MED13L: variants seen among roughly 807,000 people sequenced by gnomAD.
MED13L encodes the protein mediator complex subunit 13L, also known as mediator of RNA polymerase II transcription subunit 13-like.
In MED13L, 7 loss-of-function variants were observed where a neutral mutation model predicts 220.9. The observed-to-expected ratio is 0.03, with a 90% CI of 0.02 to 0.06. The LOEUF (loss-of-function observed/expected upper bound fraction) is 0.06. MED13L is among the 10% of genes least tolerant of loss of function. MED13L has a pLI of 1.00. For synonymous variants in MED13L, 1,011 were observed against 1,015.2 expected (o/e 1.00, Z 0.08); for missense variants, 1,965 against 2,760.5 (o/e 0.71, Z 6.46).
chr12:116,093,154 C>G (rs937284203), intron 4 of MED13L, among the ~76,000 whole-genome samples: 1 of 151,980 alleles, frequency 6.6e-6, no homozygotes, highest in Non-Finnish European at 1.5e-5. Flanking sequence ...TGATTTTCAC[C>G]GGTTTGTTTT....
rs1194376575 is a variant in MED13L at position 116,021,232 on chromosome 12, T to C, written c.625+1224A>G. 2.0e-5 allele frequency among the ~76,000 whole-genome samples: 3 copies of C among 152,170 alleles called. No homozygotes were observed. In the East Asian group the frequency reaches 5.8e-4, roughly 29 times the overall value. On this transcript the variant is annotated intron_variant, in intron 5 of 30. Coordinates refer to ENST00000281928, the MANE Select transcript of MED13L (RefSeq NM_015335.5). ...AAAATCAGAAAAATTAAAAGTGGTC[T>C]ATAGGGACCTGGTATTCCTAATATT...
At chr12:116,191,091 CAA>C (rs558125739) in intron 2 of MED13L, among the ~76,000 whole-genome samples, 18 of 65,948 alleles carry the variant, frequency 2.7e-4, no homozygotes, top group South Asian at 5.1e-4. Flanking sequence ...GACTCTGTCT[CAA>C]AAAAAAAAAA....
At chr12:116,040,981 C>T (rs1881490942) in intron 4 of MED13L, among the ~76,000 whole-genome samples, 1 of 152,088 alleles carries the variant, frequency 6.6e-6, no homozygotes, top group Non-Finnish European at 1.5e-5. Flanking sequence ...GCCCATTTCC[C>T]CTAAAAACTA....
rs1310550604 is a variant in MED13L, at chr12:115,975,439, GA to G, written c.5588+75del. ...ATGCTGTACCCACTTCATTTACATA[GA>G]AAACTGGAAATATTCATATTTGAGG... On this transcript the variant is annotated intron_variant, in intron 24 of 30. Coordinates refer to ENST00000281928, the MANE Select transcript of MED13L (RefSeq NM_015335.5). 9.4e-6 allele frequency: 15 copies of G among 1,590,474 alleles called. No homozygotes were observed. In the African/African-American group the frequency reaches 1.8e-4, roughly 19 times the overall value.
chr12:116,095,694 T>C (rs549767729), intron 4 of MED13L, among the ~76,000 whole-genome samples: 68 of 152,316 alleles, frequency 4.5e-4, no homozygotes, highest in African/African-American at 1.6e-3. Flanking sequence ...ACACTGATAA[T>C]AAAACAAAAT....
At chr12:116,238,184 G>A (rs942484668) in intron 1 of MED13L, among the ~76,000 whole-genome samples, 18 of 152,270 alleles carry the variant, frequency 1.2e-4, no homozygotes, top group African/African-American at 3.1e-4. Context: ...CATGAAGTAC[G>A]AGAGTGTTTC....
chr12:116,007,220 C>G, intron 11 of MED13L, 191 bp downstream of exon 11: 1 of 638,526 alleles, frequency 1.6e-6, no homozygotes, highest in Non-Finnish European at 2.8e-6. Context: ...GACTTTTAAA[C>G]AAAGGTGAGC....
chr12:116,117,878 G>T (rs1874664354), intron 2 of MED13L, among the ~76,000 whole-genome samples: 1 of 152,116 alleles, frequency 6.6e-6, no homozygotes, highest in Admixed American at 6.5e-5. Flanking sequence ...CATGATCACA[G>T]CTCACTGCAG....
intron 4 of MED13L, among the ~76,000 whole-genome samples, chr12:116,083,855 T>C (rs1172166303): frequency 6.6e-6 from 1 of 152,152 alleles, no homozygotes; most frequent in Non-Finnish European, 1.5e-5. Context: ...CCTGACGTGT[T>C]CAAAGGAGTT....
intron 1 of MED13L, chr12:116,276,692 C>A: frequency 1.2e-5 from 14 of 1,186,820 alleles, no homozygotes; most frequent in Non-Finnish European, 1.5e-5. Flanking sequence ...CAGCACAAGG[C>A]AAAGCCTTCC....
chr12:116,213,554 C>G (rs562652289), intron 2 of MED13L, among the ~76,000 whole-genome samples: 1 of 152,162 alleles, frequency 6.6e-6, no homozygotes, highest in Non-Finnish European at 1.5e-5. Flanking sequence ...GGGATTGCAA[C>G]AGGCATGCGC....
intron 2 of MED13L, among the ~76,000 whole-genome samples, chr12:116,173,749 T>C (rs371667897): frequency 1.3e-5 from 2 of 152,110 alleles, no homozygotes; most frequent in Admixed American, 1.3e-4. Flanking sequence ...ACTATCCACA[T>C]GAAAGGTCGA....
chr12:115,963,421 C>A lies in MED13L; in HGVS notation c.6486G>T (p.Thr2162=). ...RVPHPLDSKT[T]SDVLRFVLEQ... is the part of the protein sequence containing the mutation. The stretch of plus-strand genomic sequence containing the variant: ...TTGGTATCTACCTTAAAACATCCGA[C>A]GTGGTTTTGGAGTCAAGAGGGTGTG... The change falls in exon 30 of 31, where the codon ACG becomes ACT. Residue 2162 remains threonine (T), a synonymous_variant. Transcript: ENST00000281928. 1.2e-6 allele frequency: 2 copies of A among 1,612,152 alleles called. No individual in the cohort carries two copies. The highest frequency in any genetic ancestry group is 1.1e-5 in the South Asian group (1 of 91,042).
intron 1 of MED13L, among the ~76,000 whole-genome samples, chr12:116,245,140 A>G (rs1404517935): frequency 6.6e-6 from 1 of 152,180 alleles, no homozygotes; most frequent in East Asian, 1.9e-4. Flanking sequence ...GCACGGAACC[A>G]GAGTGAAAAC....
At chr12:115,983,590 G>A (rs896468449) in intron 20 of MED13L, 50 bp from the exon 21 acceptor site, 46 of 1,589,012 alleles carry the variant, frequency 2.9e-5, no homozygotes, top group Middle Eastern at 1.9e-4. Flanking sequence ...CTGCAGTGTC[G>A]GACTGAACCA....
At chr12:115,968,899 G>T (rs908864153) in intron 28 of MED13L, 41 bp downstream of exon 28, 15 of 1,608,308 alleles carry the variant, frequency 9.3e-6, no homozygotes, top group Admixed American at 1.7e-5. Context: ...CTTCCTAAAG[G>T]CTATGGTTGT....
chr12:116,053,446 T>C (rs1868678809), intron 4 of MED13L, among the ~76,000 whole-genome samples: 1 of 152,208 alleles, frequency 6.6e-6, no homozygotes, highest in Non-Finnish European at 1.5e-5. Context: ...GAAGGACTTT[T>C]AGGATTCGGA....
chr12:116,142,565 G>T (rs1323207378), intron 2 of MED13L, among the ~76,000 whole-genome samples: 1 of 152,126 alleles, frequency 6.6e-6, no homozygotes, highest in African/African-American at 2.4e-5. Flanking sequence ...GTGCACACCT[G>T]TAATCCCAGC....
chr12:116,178,296 T>A (rs1565914703), intron 2 of MED13L, among the ~76,000 whole-genome samples: 1 of 152,234 alleles, frequency 6.6e-6, no homozygotes, highest in Admixed American at 6.5e-5. Flanking sequence ...AAGTATTTTT[T>A]ATATTGAAAA....
Sources: gnomAD v4.1 joint callset for allele counts (sites outside exome capture counted in the v4.1 genomes callset) on GRCh38, gnomAD v4.1.1 for gene constraint, MANE v1.5 for transcripts, NCBI Gene and HGNC (gene_info 2026-07-23, HGNC 2026-07-21) for gene names.